The following GABBR2 variants were observed in gnomAD, a reference collection of about 807,000 sequenced individuals.
GABBR2 encodes the protein gamma-aminobutyric acid type B receptor subunit 2.
GABBR2 carries 23 observed loss-of-function variants against 105.6 expected under a neutral mutation model. The ratio of observed to expected loss-of-function variants is 0.22; its 90% CI spans 0.16 to 0.31. The LOEUF (loss-of-function observed/expected upper bound fraction) is 0.31, where lower values mean the gene tolerates loss of function less well. GABBR2 is among the 10% of genes least tolerant of loss of function. The pLI is 1.00. For missense variants in GABBR2, 734 were observed against 1,245.5 expected, an observed-to-expected ratio of 0.59 and a Z score of 6.18; for synonymous variants, 478 against 499.7, an observed-to-expected ratio of 0.96 and a Z score of 0.58.
intron 1 of GABBR2, among the ~76,000 whole-genome samples, chr9:98,613,528 T>C (rs141503842): frequency 9.2e-5 from 14 of 151,740 alleles, no homozygotes; most frequent in African/African-American, 3.1e-4. Context: ...CAAAAGAATA[T>C]GATAAAAGCG....
At chr9:98,494,380 A>T (rs1827235253) in intron 4 of GABBR2, among the ~76,000 whole-genome samples, 1 of 152,206 alleles carries the variant, frequency 6.6e-6, no homozygotes, top group African/African-American at 2.4e-5. Context: ...CTGGACAAAG[A>T]CTGCAAGAGG....
intron 1 of GABBR2, among the ~76,000 whole-genome samples, chr9:98,625,831 G>A (rs1434515206): frequency 6.6e-6 from 1 of 152,208 alleles, no homozygotes; most frequent in Admixed American, 6.5e-5. Context: ...AGCAGGGACT[G>A]GTTCCTGCCC....
At chr9:98,366,912 C>T (rs570145996) in intron 12 of GABBR2, among the ~76,000 whole-genome samples, 34 of 152,278 alleles carry the variant, frequency 2.2e-4, no homozygotes, top group Admixed American at 1.4e-3. Flanking sequence ...GGTGTCATCT[C>T]TAAATTTCTA....
intron 1 of GABBR2, among the ~76,000 whole-genome samples, chr9:98,591,022 C>T (rs1306141812): frequency 6.6e-6 from 1 of 152,146 alleles, no homozygotes; most frequent in Non-Finnish European, 1.5e-5. Flanking sequence ...CATCAGGGAG[C>T]TTTCCATTCA....
rs777857294 is a variant in GABBR2, at chr9:98,290,770, G to C, written c.2661-21C>G. On this transcript the variant is annotated intron_variant, in intron 18 of 18. Transcript: ENST00000259455. ...GGATGCTGAAGAGAAGGAGAGGGAG[G>C]AGTGTTAGTGAAGGGTAGCTGGGCG... 11 of 1,450,086 alleles carry C rather than the reference G, an allele frequency of 7.6e-6. No individual in the cohort carries two copies. In the South Asian group the frequency reaches 8.0e-5, roughly 10 times the overall value. The allele number at this position is 1,450,086 out of a possible 1,614,324, so 89.8% of individuals were successfully genotyped here.
At chr9:98,319,891 C>T (rs1159950599) in intron 13 of GABBR2, among the ~76,000 whole-genome samples, 1 of 152,158 alleles carries the variant, frequency 6.6e-6, no homozygotes, top group Non-Finnish European at 1.5e-5. Context: ...TCTTACTAGG[C>T]AGTAAGATTC....
intron 4 of GABBR2, among the ~76,000 whole-genome samples, chr9:98,494,795 A>T (rs180690834): frequency 6.6e-6 from 1 of 152,288 alleles, no homozygotes; most frequent in Non-Finnish European, 1.5e-5. Context: ...TGTCGTTGCT[A>T]CTTCTGTTGG....
chr9:98,395,877 G>A (rs1349534082), intron 8 of GABBR2, among the ~76,000 whole-genome samples: 1 of 152,142 alleles, frequency 6.6e-6, no homozygotes, highest in Admixed American at 6.5e-5. Context: ...GGTAGGAAGG[G>A]CTGGGGGTAC....
intron 2 of GABBR2, among the ~76,000 whole-genome samples, chr9:98,560,398 CACATACACACACACACACATATACACAT>C (rs1185189888): frequency 1.4e-4 from 16 of 114,196 alleles, no homozygotes; most frequent in Non-Finnish European, 3.3e-4. Flanking sequence ...TGCGCATACA[CACATACACACACACACACATATACACAT>C]ACACACACAC....
chr9:98,563,944 T>A (rs1828714533), intron 2 of GABBR2, among the ~76,000 whole-genome samples: 1 of 152,246 alleles, frequency 6.6e-6, no homozygotes, highest in African/African-American at 2.4e-5. Context: ...GGACTATAAG[T>A]ACTATTCTTG....
intron 1 of GABBR2, among the ~76,000 whole-genome samples, chr9:98,580,537 T>C (rs200343188): frequency 6.6e-6 from 1 of 152,148 alleles, no homozygotes; most frequent in South Asian, 2.1e-4. Context: ...CCCGTAATCC[T>C]AGCACTTTGG....
chr9:98,663,385 T>C (rs1178883219), intron 1 of GABBR2, among the ~76,000 whole-genome samples: 2 of 152,084 alleles, frequency 1.3e-5, no homozygotes, highest in Non-Finnish European at 2.9e-5. Context: ...GTCTACCTGA[T>C]AGCAATCGGC....
At chr9:98,393,494 C>CCCAA (rs1229161179) in intron 9 of GABBR2, among the ~76,000 whole-genome samples, 1 of 142,210 alleles carries the variant, frequency 7.0e-6, no homozygotes, top group African/African-American at 2.9e-5. Context: ...CATCCACCAG[C>CCCAA]CCACCCACCC....
chr9:98,642,277 C>A (rs1176554697), intron 1 of GABBR2, among the ~76,000 whole-genome samples: 11 of 152,204 alleles, frequency 7.2e-5, no homozygotes. Flanking sequence ...GTCCAATTAG[C>A]CACTGAGGCC....
At chr9:98,315,114 G>A (rs543496890) in intron 13 of GABBR2, among the ~76,000 whole-genome samples, 5 of 151,874 alleles carry the variant, frequency 3.3e-5, no homozygotes, top group East Asian at 1.9e-4. Flanking sequence ...CCCTTCCCCC[G>A]CAACCCCACC....
At chr9:98,335,537 G>A (rs1831098700) in intron 13 of GABBR2, among the ~76,000 whole-genome samples, 1 of 152,072 alleles carries the variant, frequency 6.6e-6, no homozygotes, top group African/African-American at 2.4e-5. Flanking sequence ...GATGCACAGG[G>A]CCCTTTCTAA....
chr9:98,504,716 T>TTCAA (rs1827470820), intron 3 of GABBR2, among the ~76,000 whole-genome samples: 1 of 152,248 alleles, frequency 6.6e-6, no homozygotes, highest in South Asian at 2.1e-4. Context: ...ATTCATGAAA[T>TTCAA]GTGTCTTCAC....
At chr9:98,358,131 C>T (rs530974914) in intron 13 of GABBR2, among the ~76,000 whole-genome samples, 116 of 152,290 alleles carry the variant, frequency 7.6e-4, no homozygotes, top group Admixed American at 1.6e-3. Context: ...ATTTAGGATG[C>T]TATCAGTTTT....
chr9:98,379,804 G>A (rs911736465), intron 11 of GABBR2, among the ~76,000 whole-genome samples: 3 of 152,028 alleles, frequency 2.0e-5, no homozygotes, highest in East Asian at 1.9e-4. Context: ...GGAAACTAAG[G>A]TTCAGAGATG....
Sources: allele counts gnomAD v4.1 joint callset (sites outside exome capture counted in the v4.1 genomes callset), GRCh38; gene constraint gnomAD v4.1.1; transcripts MANE v1.5; gene names NCBI Gene and HGNC (gene_info 2026-07-23, HGNC 2026-07-21).